Variants in GPC6 observed in about 807,000 individuals in gnomAD.
GPC6 encodes the protein glypican 6, also known as glypican-6.
GPC6 carries 14 observed loss-of-function variants against 55.2 expected under a neutral mutation model. The observed-to-expected ratio is 0.25, with a 90% CI of 0.17 to 0.40. The LOEUF (loss-of-function observed/expected upper bound fraction) is 0.40, where lower values mean the gene tolerates loss of function less well. GPC6 is among the 10% of genes least tolerant of loss of function. The probability of loss-of-function intolerance (pLI) is 1.00; values close to 1 mark genes in which losing one functional copy is unlikely to be tolerated. For missense variants in GPC6, 641 were observed against 708.5 expected, an observed-to-expected ratio of 0.90 and a Z score of 1.08; for synonymous variants, 278 against 259.6, an observed-to-expected ratio of 1.07 and a Z score of -0.68.
At chr13:93,229,500 A>C (rs1476334759) in intron 1 of GPC6, among the ~76,000 whole-genome samples, 1 of 152,210 alleles carries the variant, frequency 6.6e-6, no homozygotes, top group Non-Finnish European at 1.5e-5. Flanking sequence ...CCTCAGCATC[A>C]GGCACATCTC....
At chr13:93,818,932 C>G (rs879384622) in intron 2 of GPC6, 1 of 152,228 alleles carries the variant, frequency 6.6e-6, no homozygotes, top group East Asian at 1.9e-4. Flanking sequence ...TGTTGGAGAA[C>G]GAAGAGCTGC....
intron 1 of GPC6, among the ~76,000 whole-genome samples, chr13:93,256,468 A>T (rs1286646445): frequency 6.6e-6 from 1 of 152,096 alleles, no homozygotes; most frequent in Non-Finnish European, 1.5e-5. Flanking sequence ...AAATATAAAT[A>T]TTTGGTATAT....
At chr13:93,645,519 G>A (rs1880135385) in intron 2 of GPC6, among the ~76,000 whole-genome samples, 1 of 152,134 alleles carries the variant, frequency 6.6e-6, no homozygotes, top group African/African-American at 2.4e-5. Flanking sequence ...AGCCTGAAGA[G>A]TGATCATTTC....
intron 4 of GPC6, among the ~76,000 whole-genome samples, chr13:94,116,587 A>T (rs928315919): frequency 1.3e-5 from 2 of 152,116 alleles, no homozygotes; most frequent in Non-Finnish European, 2.9e-5. Context: ...CTGCCTCCTT[A>T]CAATAATTGA....
At chr13:93,459,586 A>T (rs1363450905) in intron 1 of GPC6, among the ~76,000 whole-genome samples, 1 of 152,150 alleles carries the variant, frequency 6.6e-6, no homozygotes, top group Admixed American at 6.5e-5. Context: ...GTTTTCTTAC[A>T]TAGACGAGTT....
intron 1 of GPC6, among the ~76,000 whole-genome samples, chr13:93,425,979 T>G (rs1005389988): frequency 1.3e-5 from 2 of 152,194 alleles, no homozygotes; most frequent in African/African-American, 4.8e-5. Flanking sequence ...AAGATTTAAT[T>G]GAATGTCATT....
At chr13:93,353,197 T>C (rs74110538) in intron 1 of GPC6, among the ~76,000 whole-genome samples, 4,172 of 152,226 alleles carry the variant, frequency 0.027, 184 homozygotes, top group African/African-American at 0.096. Flanking sequence ...AGAATTTGGT[T>C]TGAGATGCCT....
At chr13:94,247,872 G>A (rs539876317) in intron 4 of GPC6, among the ~76,000 whole-genome samples, 9 of 151,842 alleles carry the variant, frequency 5.9e-5, no homozygotes, top group Non-Finnish European at 1.3e-4. Flanking sequence ...TTTGCCCAGG[G>A]TAGAGTGCAG....
chr13:93,228,754 C>G (rs1379931377), intron 1 of GPC6, among the ~76,000 whole-genome samples: 1 of 152,186 alleles, frequency 6.6e-6, no homozygotes, highest in Non-Finnish European at 1.5e-5. Flanking sequence ...ATCGTCAAGT[C>G]AAAACGCTGA....
intron 1 of GPC6, among the ~76,000 whole-genome samples, chr13:93,264,802 T>C (rs890528144): frequency 1.3e-5 from 2 of 152,194 alleles, no homozygotes; most frequent in South Asian, 4.1e-4. Flanking sequence ...TATTATTTTT[T>C]ATGATTGTAT....
intron 1 of GPC6, among the ~76,000 whole-genome samples, chr13:93,458,180 A>G (rs1012915092): frequency 2.6e-5 from 4 of 152,210 alleles, no homozygotes; most frequent in Non-Finnish European, 4.4e-5. Flanking sequence ...AGGTAACACA[A>G]TAGGACTGTG....
chr13:94,057,974 G>A (rs548179387), intron 4 of GPC6, among the ~76,000 whole-genome samples: 35 of 152,214 alleles, frequency 2.3e-4, no homozygotes, highest in South Asian at 4.1e-4. Flanking sequence ...CAGAGATTCT[G>A]GTCATTACCC....
chr13:93,487,918 TAAAC>T (rs1786405038), intron 1 of GPC6, among the ~76,000 whole-genome samples: 1 of 152,192 alleles, frequency 6.6e-6, no homozygotes, highest in South Asian at 2.1e-4. Context: ...ATTTACAAGT[TAAAC>T]AATAAAAATA....
chr13:94,231,414 C>A (rs1053217036), intron 4 of GPC6, among the ~76,000 whole-genome samples: 2 of 152,142 alleles, frequency 1.3e-5, no homozygotes, highest in Non-Finnish European at 1.5e-5. Flanking sequence ...ATTTGGCAGT[C>A]CGTGTCATCG....
intron 4 of GPC6, among the ~76,000 whole-genome samples, chr13:94,273,807 T>A (rs1284561039): frequency 6.6e-6 from 1 of 152,174 alleles, no homozygotes; most frequent in East Asian, 1.9e-4. Context: ...CTCAGAAAGA[T>A]CTTTAAGAAC....
At chr13:94,349,183 T>C (rs1878420774) in intron 6 of GPC6, among the ~76,000 whole-genome samples, 3 of 152,082 alleles carry the variant, frequency 2.0e-5, no homozygotes, top group Admixed American at 1.3e-4. Context: ...CATCACCAAT[T>C]TCACCTTCTA....
At chr13:93,926,493 T>C (rs1452167608) in intron 3 of GPC6, among the ~76,000 whole-genome samples, 1 of 152,200 alleles carries the variant, frequency 6.6e-6, no homozygotes, top group Non-Finnish European at 1.5e-5. Flanking sequence ...TAATAATTTG[T>C]ATTTTCCCAT....
chr13:93,935,478 T>G (rs1253592633), intron 3 of GPC6, among the ~76,000 whole-genome samples: 1 of 152,234 alleles, frequency 6.6e-6, no homozygotes, highest in African/African-American at 2.4e-5. Context: ...GGTATATATG[T>G]ACCACATTTT....
chr13:94,317,855 G>GTGTGTGTGCA (rs1023482587), intron 6 of GPC6, among the ~76,000 whole-genome samples: 1 of 152,162 alleles, frequency 6.6e-6, no homozygotes, highest in Admixed American at 6.5e-5. Context: ...GTGTGAGAGT[G>GTGTGTGTGCA]TGTGTGTGCA....
Sources: gnomAD v4.1 joint callset for allele counts (sites outside exome capture counted in the v4.1 genomes callset) on GRCh38, gnomAD v4.1.1 for gene constraint, MANE v1.5 for transcripts, NCBI Gene and HGNC (gene_info 2026-07-23, HGNC 2026-07-21) for gene names.